CCDC127: variants seen among roughly 807,000 people sequenced by gnomAD.
CCDC127 encodes the protein coiled-coil domain-containing protein 127.
Under a neutral mutation model 4.1 loss-of-function variants are expected in CCDC127, and 2 were observed. The ratio of observed to expected loss-of-function variants is 0.49; its 90% confidence interval spans 0.20 to 1.53. CCDC127 has a LOEUF of 1.53. CCDC127 is among the 40% of genes most tolerant of loss of function. The pLI, the probability that CCDC127 is intolerant of heterozygous loss-of-function variation, is 0.23. For missense variants in CCDC127, 271 were observed against 322.9 expected (o/e 0.84, Z 1.23); for synonymous variants, 98 against 120.4 (o/e 0.81, Z 1.22).
rs1156892922 is a variant in CCDC127 at position 217,762 on chromosome 5, C to A, written c.-11+331G>T. Among the ~76,000 whole-genome samples, 5 of 152,002 alleles carry A rather than the reference C, an allele frequency of 3.3e-5. No homozygotes were observed. In the South Asian group the frequency reaches 8.3e-4, roughly 25 times the overall value. On this transcript the variant is annotated intron_variant, in intron 1 of 2. Transcript: ENST00000296824. ...GCACCCTCCATAGCTAGGCTGGGGGCTAACGTTAGTAAGAATTTACTGATT... is the reference window on the plus strand; with the variant it reads ...GCACCCTCCATAGCTAGGCTGGGGGATAACGTTAGTAAGAATTTACTGATT...
Position 205,644 on chromosome 5 carries a change from G to C in CCDC127, c.436C>G (p.Gln146Glu). 1.2e-6 allele frequency: 2 copies of C among 1,614,138 alleles called. No individual in the cohort carries two copies. The change falls in exon 3 of 3, where the codon CAA (glutamine) becomes GAA (glutamate). Residue 146 changes from glutamine to glutamate, a missense_variant. Physicochemically the swap from Gln to Glu is conservative, Grantham distance 29. This residue lies in a region of CCDC127 where 265 missense variants were observed against 270.9 expected (regional missense o/e 0.98). Coordinates refer to ENST00000296824, the MANE Select transcript of CCDC127 (RefSeq NM_145265.3). Reference protein sequence around the residue: ...PLRSAYLSCLQREENWQRRAR... With the variant: ...PLRSAYLSCLEREENWQRRAR... ...CTCCTTTGCCAGTTTTCTTCCCTTTGCAGGCAGCTCAAATACGCACTTCTC... is the reference window on the plus strand; with the variant it reads ...CTCCTTTGCCAGTTTTCTTCCCTTTCCAGGCAGCTCAAATACGCACTTCTC...
In CCDC127 at chr5:198,408, A is replaced by C. The variant is rs549409240; in HGVS notation, c.*6889T>G. The C allele has an allele frequency of 1.3e-5, 2 of 152,408 alleles. No homozygotes were observed. Among genetic ancestry groups the C allele is most frequent in the South Asian group, 4.1e-4 (2 of 4,836 alleles). 9.4% of individuals were successfully genotyped at this position (152,408 alleles called of 1,614,324 possible). A position where few individuals can be genotyped will look rare whatever the true frequency, so the allele number is the denominator to read the frequency against. On this transcript the variant is annotated 3_prime_UTR_variant, in exon 3 of 3. Coordinates refer to ENST00000296824, the MANE Select transcript of CCDC127 (RefSeq NM_145265.3). ...TGCTTTGTGTCTGAATTTTTATTGT[A>C]AGACTCAGCCGCTGGGCGGCATGAT...
rs749650571 is a variant in CCDC127 at position 205,766 on chromosome 5, G to A, written c.314C>T (p.Ala105Val). The change falls in exon 3 of 3, where the codon GCC (alanine) becomes GTC (valine). Residue 105 changes from alanine (A) to valine (V), a missense_variant. This residue lies in a region of CCDC127 where 265 missense variants were observed against 270.9 expected (regional missense o/e 0.98). Coordinates refer to ENST00000296824, the MANE Select transcript of CCDC127 (RefSeq NM_145265.3). ...CAACTTGCGTCCCTGAGAGATAAGG[G>A]CTTCTCGGTAACTAGCAGTTCTGTT... ...EQNRTASYRE[A>V]LISQGRKLVE... 7.4e-6 allele frequency: 12 copies of A among 1,613,986 alleles called. No individual in the cohort carries two copies. The East Asian group carries it at 2.2e-4, about 30-fold the overall frequency.
chr5:201,820 T>A lies in CCDC127; in HGVS notation c.*3477A>T, dbSNP rs539891481. ...AGCCACTGCAACCTCATATACAATG[T>A]TCACTCCAGACAAGGATTACAGTGG... On this transcript the variant is annotated 3_prime_UTR_variant, in exon 3 of 3. Coordinates refer to ENST00000296824, the MANE Select transcript of CCDC127 (RefSeq NM_145265.3). The A allele has an allele frequency of 6.6e-6, 1 of 152,264 alleles. No homozygotes were observed. 9.4% of individuals were successfully genotyped at this position (152,264 alleles called of 1,614,324 possible).
chr5:215,560 G>C (rs905386873), intron 2 of CCDC127: 1 of 151,994 alleles, frequency 6.6e-6, no homozygotes, highest in Non-Finnish European at 1.5e-5. Flanking sequence ...TTTTTCCCAA[G>C]CCTGCAGGCG....
At chr5:213,087 C>T (rs369119821) in intron 2 of CCDC127, among the ~76,000 whole-genome samples, 4 of 32,510 alleles carry the variant, frequency 1.2e-4, no homozygotes, top group South Asian at 1.3e-3. Flanking sequence ...CGCTGATGCT[C>T]GACATCGCAC....
At chr5:207,903 A>G (rs1034585043) in intron 2 of CCDC127, among the ~76,000 whole-genome samples, 2 of 152,128 alleles carry the variant, frequency 1.3e-5, no homozygotes, top group African/African-American at 4.8e-5. Flanking sequence ...ACCACTGGAA[A>G]ACTAACACAG....
chr5:208,234 G>A (rs1734216132), intron 2 of CCDC127, among the ~76,000 whole-genome samples: 3 of 152,176 alleles, frequency 2.0e-5, no homozygotes. Context: ...TCTGAAAGAT[G>A]GAGAGAAGGC....
In CCDC127 at chr5:205,197, C is replaced by G. The variant is rs929861567; in HGVS notation, c.*100G>C. On this transcript the variant is annotated 3_prime_UTR_variant, in exon 3 of 3. Transcript: ENST00000296824. ...CGCTGCTGAAGGGTGACGGTGTGGCCATGACACGGGCAGCACGGGAACGGA... is the reference window on the plus strand; with the variant it reads ...CGCTGCTGAAGGGTGACGGTGTGGCGATGACACGGGCAGCACGGGAACGGA... 3.6e-6 allele frequency: 4 copies of G among 1,114,624 alleles called. No individual in the cohort carries two copies. The African/African-American group carries it at 6.2e-5, about 17-fold the overall frequency. 69.0% of individuals were successfully genotyped at this position (1,114,624 alleles called of 1,614,324 possible). A position where few individuals can be genotyped will look rare whatever the true frequency, so the allele number is the denominator to read the frequency against.
In CCDC127 at chr5:216,961, AAAG is replaced by A. The variant is rs561274973; in HGVS notation, c.-10-105_-10-103del. 973 of 605,800 alleles carry A rather than the reference AAAG, an allele frequency of 1.6e-3. 2 individuals are homozygous for A. In the African/African-American group the frequency reaches 0.016, roughly 10 times the overall value. The allele number at this position is 605,800 out of a possible 1,614,324, so 37.5% of individuals were successfully genotyped here. A position where few individuals can be genotyped will look rare whatever the true frequency, so the allele number is the denominator to read the frequency against. On this transcript the variant is annotated intron_variant, in intron 1 of 2. Transcript: ENST00000296824. Reference sequence around the variant, plus strand: ...ACAGCACTGAGGCCCTACGGGATTCAAAGAAGAAAAAAACTAGACCAGAGCCGG... The same window carrying A: ...ACAGCACTGAGGCCCTACGGGATTCAAAGAAAAAAACTAGACCAGAGCCGG...
At chr5:214,510 G>C (rs1734341000) in intron 2 of CCDC127, 1 of 152,232 alleles carries the variant, frequency 6.6e-6, no homozygotes, top group Non-Finnish European at 1.5e-5. Context: ...AAAGCACGGA[G>C]AGATGGGAAA....
intron 2 of CCDC127, chr5:214,975 C>G (rs1734350952): frequency 6.6e-6 from 1 of 151,936 alleles, no homozygotes; most frequent in Admixed American, 6.6e-5. Flanking sequence ...TTGCAGCAAG[C>G]CGAGATCGCG....
Position 205,306 on chromosome 5 carries a change from T to C in CCDC127, c.774A>G (p.Leu258=), listed in dbSNP as rs762135799. The C allele has an allele frequency of 3.2e-5, 52 of 1,603,156 alleles. No homozygotes were observed. The highest frequency in any genetic ancestry group is 3.3e-4 in the Middle Eastern group (2 of 6,038). ...TGATTTCACTCTTGTCTTACTTTTC[T>C]AGTATGGCTTCCTCTACTCTCTTAA... is the stretch of plus-strand genomic sequence containing the variant. ...KKFKRVEEAI[L]EK is the part of the protein sequence containing the mutation. Residue 258 remains leucine (L), a synonymous_variant, in exon 3 of 3, where the codon CTA becomes CTG. Coordinates refer to ENST00000296824, the MANE Select transcript of CCDC127 (RefSeq NM_145265.3).
Position 197,352 on chromosome 5 carries a change from A to G in CCDC127, c.*7945T>C, listed in dbSNP as rs1733979308. On this transcript the variant is annotated 3_prime_UTR_variant, in exon 3 of 3. Coordinates refer to ENST00000296824, the MANE Select transcript of CCDC127 (RefSeq NM_145265.3). ...TAACCCATGTCAGCACAGACCCTTT[A>G]CGGGTGTCGGGCTGGGGGACGGTCA... 6.6e-6 allele frequency: 1 copy of G among 152,154 alleles called. No individual in the cohort carries two copies. Among genetic ancestry groups the G allele is most frequent in the African/African-American group, 2.4e-5 (1 of 41,404 alleles). The allele number at this position is 152,154 out of a possible 1,614,324, so 9.4% of individuals were successfully genotyped here. A position where few individuals can be genotyped will look rare whatever the true frequency, so the allele number is the denominator to read the frequency against.
rs771999377 is a variant in CCDC127, at chr5:205,577, T to C, written c.503A>G (p.Glu168Gly). Reference sequence around the variant, plus strand: ...CAGACTGCAGTAGATATTCTGTCTTTCTGTGAGAACAGCTTCAAATTCTTT... The same window carrying C: ...CAGACTGCAGTAGATATTCTGTCTTCCTGTGAGAACAGCTTCAAATTCTTT... ...LLKEFEAVLT[E>G]RQNIYCSLFL... The change falls in exon 3 of 3, where the codon GAA becomes GGA. Residue 168 changes from glutamate to glycine, a missense_variant. Physicochemically the swap from Glu to Gly is moderately conservative, Grantham distance 98. Transcript: ENST00000296824. The C allele has an allele frequency of 1.2e-6, 2 of 1,614,252 alleles. No individual in the cohort carries two copies. Among genetic ancestry groups the C allele is most frequent in the Non-Finnish European group, 1.7e-6 (2 of 1,180,046 alleles).
At position 205,345 on chromosome 5, in the gene CCDC127, G is replaced by T. The variant is rs753353373; in HGVS notation, c.735C>A (p.Val245=). 6.2e-7 allele frequency: 1 copy of T among 1,613,728 alleles called. No homozygotes were observed. Among genetic ancestry groups the T allele is most frequent in the East Asian group, 2.2e-5 (1 of 44,880 alleles). ...CTACTCTCTTAAACTTCTTCAGTTCGACAACGAGTTCCCAGTATTTGAGAT... is the reference window on the plus strand; with the variant it reads ...CTACTCTCTTAAACTTCTTCAGTTCTACAACGAGTTCCCAGTATTTGAGAT... The part of the protein sequence containing the change: ...WLYLKYWELV[V]ELKKFKRVEE... Residue 245 remains valine, a synonymous_variant, in exon 3 of 3, where the codon GTC becomes GTA. Transcript: ENST00000296824.
Position 197,508 on chromosome 5 carries a change from T to C in CCDC127, c.*7789A>G, listed in dbSNP as rs1264124214. The C allele has an allele frequency of 6.6e-6, 1 of 152,274 alleles. No homozygotes were observed. Among genetic ancestry groups the C allele is most frequent in the Non-Finnish European group, 1.5e-5 (1 of 68,060 alleles). The allele number at this position is 152,274 out of a possible 1,614,324, so 9.4% of individuals were successfully genotyped here. A position where few individuals can be genotyped will look rare whatever the true frequency, so the allele number is the denominator to read the frequency against. On this transcript the variant is annotated 3_prime_UTR_variant, in exon 3 of 3. Transcript: ENST00000296824. ...CATTGTGCCTCTGGTTTATTGAGAC[T>C]AGAGAATAGCGATGACTTTTACCAA...
rs201023135 is a variant in CCDC127, at chr5:217,070, G to GC, written c.-10-212dup. 4.5e-3 allele frequency: 2,282 copies of GC among 511,150 alleles called. 31 individuals carry two copies. The highest frequency in any genetic ancestry group is 0.041 in the African/African-American group (2,095 of 51,344). 31.7% of individuals were successfully genotyped at this position (511,150 alleles called of 1,614,324 possible). Reference sequence around the variant, plus strand: ...CGCTTGAACCTGGGAGGTGGAGGTTGCAGTGAGTCGAGGTCGCGCCACTGC... The same window carrying GC: ...CGCTTGAACCTGGGAGGTGGAGGTTGCCAGTGAGTCGAGGTCGCGCCACTGC... On this transcript the variant is annotated intron_variant, in intron 1 of 2. Transcript: ENST00000296824.
rs1393734605 is a variant in CCDC127 at position 200,891 on chromosome 5, T to A, written c.*4406A>T. 2.9e-5 allele frequency: 3 copies of A among 104,814 alleles called. No homozygotes were observed. The highest frequency in any genetic ancestry group is 6.3e-5 in the Non-Finnish European group (3 of 47,458). The allele number at this position is 104,814 out of a possible 1,614,324, so 6.5% of individuals were successfully genotyped here. On this transcript the variant is annotated 3_prime_UTR_variant, in exon 3 of 3. Transcript: ENST00000296824. The stretch of plus-strand genomic sequence containing the variant: ...GCCAGCCAGCGTCTACACAGCAGGC[T>A]GCCCCCATCACAGCTAGCCAGCGTC...
Sources: allele counts gnomAD v4.1 joint callset (sites outside exome capture counted in the v4.1 genomes callset), GRCh38; gene constraint gnomAD v4.1.1; regional missense constraint gnomAD v4.1.1; transcripts MANE v1.5; gene names NCBI Gene and HGNC (gene_info 2026-07-23, HGNC 2026-07-21).